BRAP: variants seen among roughly 807,000 people sequenced by gnomAD.
BRAP encodes the protein BRCA1-associated protein.
Under a neutral mutation model 73.4 loss-of-function variants are expected in BRAP, and 42 were observed. That is an observed-to-expected ratio of 0.57 (90% confidence interval 0.45 to 0.74). The LOEUF is 0.74. Ranked by LOEUF, BRAP falls within the 30% of genes least tolerant of loss-of-function variation. The pLI, the probability that BRAP is intolerant of heterozygous loss-of-function variation, is 0.00. For missense variants in BRAP, 593 were observed against 751.4 expected (o/e 0.79, Z 2.46); for synonymous variants, 255 against 267.4 (o/e 0.95, Z 0.45).
chr12:111,661,694 T>A (rs1224493994), intron 6 of BRAP, among the ~76,000 whole-genome samples: 1 of 151,032 alleles, frequency 6.6e-6, no homozygotes, highest in Admixed American at 6.6e-5. Context: ...GGATTTAAAA[T>A]CTGTAGTAAA....
chr12:111,667,720 A>AAAAAAAAAAAAAAAAAAAAAAC (rs1887006980), intron 5 of BRAP, among the ~76,000 whole-genome samples: 1 of 148,226 alleles, frequency 6.7e-6, no homozygotes, highest in Non-Finnish European at 1.5e-5. Flanking sequence ...AAAAAAAAAA[A>AAAAAAAAAAAAAAAAAAAAAAC]AGCTCATACA....
intron 5 of BRAP, among the ~76,000 whole-genome samples, chr12:111,669,040 C>T (rs1887068382): frequency 6.6e-6 from 1 of 152,108 alleles, no homozygotes; most frequent in Non-Finnish European, 1.5e-5. Flanking sequence ...AAAACAAATG[C>T]CTATAAGGAA....
chr12:111,681,763 T>A lies in BRAP; in HGVS notation c.317A>T (p.His106Leu). Residue 106 changes from histidine to leucine, a missense_variant, in exon 3 of 12, where the codon CAC becomes CTC. By Grantham distance (99) the His-to-Leu change is moderately conservative. Around this residue, in one of 4 missense-constraint regions of BRAP, gnomAD observed 304 missense variants for 337.7 expected, o/e 0.90. Coordinates refer to ENST00000419234, the MANE Select transcript of BRAP (RefSeq NM_006768.5). Reference protein sequence around the residue: ...ASPTAQRSKDHSKECINAAPD... With the variant: ...ASPTAQRSKDLSKECINAAPD... Reference sequence around the variant, plus strand: ...GGCAGCGTTTATGCATTCCTTACTGTGATCTTTACTTCTTTGCGCAGTGGG... The same window carrying A: ...GGCAGCGTTTATGCATTCCTTACTGAGATCTTTACTTCTTTGCGCAGTGGG... 2.5e-6 allele frequency: 4 copies of A among 1,614,142 alleles called. No individual in the cohort carries two copies. The highest frequency in any genetic ancestry group is 3.4e-6 in the Non-Finnish European group (4 of 1,180,016).
chr12:111,674,967 A>T, intron 4 of BRAP, among the ~76,000 whole-genome samples: 1 of 152,160 alleles, frequency 6.6e-6, no homozygotes, highest in East Asian at 1.9e-4. Context: ...AATGCTCACT[A>T]AACGACCAGC....
intron 1 of BRAP, among the ~76,000 whole-genome samples, chr12:111,684,378 T>C (rs952533530): frequency 4.6e-5 from 7 of 152,218 alleles, no homozygotes; most frequent in Admixed American, 2.6e-4. Context: ...TATAAAGTCA[T>C]ATTCAATCTT....
intron 10 of BRAP, among the ~76,000 whole-genome samples, chr12:111,651,856 T>A (rs1244535839): frequency 6.6e-6 from 1 of 151,968 alleles, no homozygotes; most frequent in Non-Finnish European, 1.5e-5. Context: ...CAAGCTGGTC[T>A]TGAACTCCTG....
At chr12:111,648,851 G>A (rs977140861) in intron 11 of BRAP, among the ~76,000 whole-genome samples, 2 of 151,548 alleles carry the variant, frequency 1.3e-5, no homozygotes, top group South Asian at 2.1e-4. Context: ...GCGTGAACCC[G>A]GGAGGCGGAG....
At chr12:111,672,117 G>A (rs1887201308) in intron 5 of BRAP, among the ~76,000 whole-genome samples, 1 of 152,150 alleles carries the variant, frequency 6.6e-6, no homozygotes, top group African/African-American at 2.4e-5. Flanking sequence ...GAGGCTAGCA[G>A]ATGCTTGAAC....
intron 4 of BRAP, among the ~76,000 whole-genome samples, chr12:111,675,579 G>T (rs1387013939): frequency 6.7e-6 from 1 of 150,334 alleles, no homozygotes; most frequent in East Asian, 1.9e-4. Context: ...CCATCTAAAT[G>T]CACTAAACAA....
At chr12:111,685,449 T>C in intron 1 of BRAP, 3 of 711,840 alleles carry the variant, frequency 4.2e-6, no homozygotes, top group African/African-American at 1.9e-5. Context: ...CACTCGACTA[T>C]CTCGAGAGGG....
At chr12:111,659,451 C>T (rs1403948149) in intron 7 of BRAP, 106 bp from the exon 8 acceptor site, 5 of 1,037,444 alleles carry the variant, frequency 4.8e-6, no homozygotes, top group East Asian at 5.3e-5. Flanking sequence ...GTCAGGAGTT[C>T]GAGACCAGCC....
At chr12:111,650,087 T>C (rs758956145) in intron 10 of BRAP, 45 bp from the exon 11 acceptor site, 3 of 1,385,650 alleles carry the variant, frequency 2.2e-6, no homozygotes, top group East Asian at 2.3e-5. Flanking sequence ...AAAGGTAATG[T>C]GGTGTGCTCT....
At chr12:111,673,991 G>A (rs1411689134) in intron 4 of BRAP, among the ~76,000 whole-genome samples, 1 of 152,100 alleles carries the variant, frequency 6.6e-6, no homozygotes, top group Non-Finnish European at 1.5e-5. Context: ...ATTCCCATAC[G>A]GGCATTAATC....
intron 4 of BRAP, among the ~76,000 whole-genome samples, chr12:111,675,057 T>C (rs533996384): frequency 6.6e-6 from 1 of 152,180 alleles, no homozygotes; most frequent in East Asian, 1.9e-4. Flanking sequence ...GCCCAGGAGT[T>C]TGAGACCAGC....
chr12:111,653,107 C>T (rs909322245), intron 10 of BRAP, among the ~76,000 whole-genome samples: 3 of 152,030 alleles, frequency 2.0e-5, no homozygotes, highest in South Asian at 2.1e-4. Context: ...GTGGGAGGAT[C>T]GCTTGAGCAT....
chr12:111,673,666 C>T (rs1206981687), intron 4 of BRAP, among the ~76,000 whole-genome samples: 1 of 151,892 alleles, frequency 6.6e-6, no homozygotes, highest in Non-Finnish European at 1.5e-5. Flanking sequence ...CTAATGGGTC[C>T]CATCAGGAGG....
chr12:111,660,881 C>T (rs1285862075), intron 6 of BRAP, among the ~76,000 whole-genome samples: 1 of 152,084 alleles, frequency 6.6e-6, no homozygotes, highest in African/African-American at 2.4e-5. Context: ...TGGGATCTGC[C>T]TCATGTCCTT....
At chr12:111,655,500 C>T (rs577940251) in intron 10 of BRAP, 66 bp downstream of exon 10, 287 of 1,313,408 alleles carry the variant, frequency 2.2e-4, no homozygotes, top group Non-Finnish European at 2.5e-4. Context: ...CTCTGCCTTC[C>T]ACACCCCCCA....
chr12:111,656,954 C>T (rs1886558392), intron 9 of BRAP, among the ~76,000 whole-genome samples: 1 of 152,036 alleles, frequency 6.6e-6, no homozygotes, highest in Admixed American at 6.6e-5. Flanking sequence ...GTTGCCGAGG[C>T]TGGTTTCAAA....
Sources: allele counts gnomAD v4.1 joint callset (sites outside exome capture counted in the v4.1 genomes callset), GRCh38; gene constraint gnomAD v4.1.1; regional missense constraint gnomAD v4.1.1; transcripts MANE v1.5; gene names NCBI Gene and HGNC (gene_info 2026-07-23, HGNC 2026-07-21).